The following PLOD1 variants were observed in gnomAD, a reference collection of about 807,000 sequenced individuals.
The protein encoded by PLOD1 is lysine hydroxylase.
Under a neutral mutation model 94.7 loss-of-function variants are expected in PLOD1, and 70 were observed. That is an observed-to-expected ratio of 0.74 (90% CI 0.61 to 0.90). The LOEUF (loss-of-function observed/expected upper bound fraction) is 0.90, where lower values mean the gene tolerates loss of function less well. Among genes scored for constraint, PLOD1 ranks in the 40% least tolerant of loss-of-function variants. The pLI, the probability that PLOD1 is intolerant of heterozygous loss-of-function variation, is 0.00. For missense variants in PLOD1, 905 were observed against 972.7 expected, an observed-to-expected ratio of 0.93 and a Z score of 0.93; for synonymous variants, 417 against 400.2, an observed-to-expected ratio of 1.04 and a Z score of -0.50.
intron 5 of PLOD1, among the ~76,000 whole-genome samples, chr1:11,953,345 C>G (rs144049464): frequency 6.6e-6 from 1 of 151,774 alleles, no homozygotes; most frequent in Non-Finnish European, 1.5e-5. Flanking sequence ...CGTGAGCCAC[C>G]GTGCCCGGCT....
intron 5 of PLOD1, 53 bp from the exon 6 acceptor site, chr1:11,954,777 C>T: frequency 7.4e-7 from 1 of 1,343,376 alleles, no homozygotes; most frequent in South Asian, 1.2e-5. Context: ...GATGTAGCCC[C>T]AGCCTCCCCC....
rs151122664 is a variant in PLOD1, at chr1:11,950,465, G to T, written c.411G>T (p.Arg137Ser). 5.0e-6 allele frequency: 8 copies of T among 1,613,998 alleles called. No homozygotes were observed. The highest frequency in any genetic ancestry group is 6.8e-6 in the Non-Finnish European group (8 of 1,179,954). The change falls in exon 4 of 19, where the codon AGG (arginine) becomes AGT (serine). Residue 137 changes from arginine to serine, a missense_variant. Arg to Ser is a moderately radical substitution (Grantham distance 110, BLOSUM62 -1). Coordinates refer to ENST00000196061, the MANE Select transcript of PLOD1 (RefSeq NM_000302.4). Reference protein sequence around the residue: ...SAEELIYPDRRLETKYPVVSD... With the variant: ...SAEELIYPDRSLETKYPVVSD... Reference sequence around the variant, plus strand: ...AGGAGCTCATCTACCCAGACCGCAGGCTGGAGACCAAGTATCCGGTGGTGT... The same window carrying T: ...AGGAGCTCATCTACCCAGACCGCAGTCTGGAGACCAAGTATCCGGTGGTGT...
intron 14 of PLOD1, 69 bp from the exon 15 acceptor site, chr1:11,966,182 G>T (rs1645815999): frequency 6.9e-6 from 8 of 1,157,032 alleles, no homozygotes; most frequent in Non-Finnish European, 1.0e-5. Flanking sequence ...ACTTTGAGGG[G>T]TCTGCTCTGA....
intron 2 of PLOD1, among the ~76,000 whole-genome samples, chr1:11,948,307 G>A (rs970165613): frequency 3.3e-5 from 5 of 152,326 alleles, no homozygotes; most frequent in Admixed American, 2.6e-4. Context: ...TCAGATGTTA[G>A]TGTGCAGGAG....
intron 9 of PLOD1, among the ~76,000 whole-genome samples, chr1:11,959,868 C>T (rs373666690): frequency 4.9e-4 from 74 of 151,320 alleles, no homozygotes; most frequent in African/African-American, 1.4e-3. Context: ...TGCCTGCCTC[C>T]GCCTGCCAAA....
Position 11,967,614 on chromosome 1 carries a change from TAAAA to T in PLOD1, c.1755+525_1755+528del, listed in dbSNP as rs1306896238. On this transcript the variant is annotated intron_variant, in intron 16 of 18. Coordinates refer to ENST00000196061, the MANE Select transcript of PLOD1 (RefSeq NM_000302.4). Reference sequence around the variant, plus strand: ...GTGTGTGTGTATATATATATATATATAAAAAGAAATATATATAGATTTTATTTAT... The same window carrying T: ...GTGTGTGTGTATATATATATATATATAGAAATATATATAGATTTTATTTAT... Among the ~76,000 whole-genome samples the T allele has an allele frequency of 6.1e-3, 715 of 117,908 alleles. 42 individuals carry two copies. The highest frequency in any genetic ancestry group is 0.022 in the African/African-American group (677 of 31,190). 77.4% of individuals were successfully genotyped at this position (117,908 alleles called of 152,430 possible).
chr1:11,955,328 A>C (rs376716147), intron 6 of PLOD1, among the ~76,000 whole-genome samples: 4 of 152,312 alleles, frequency 2.6e-5, no homozygotes, highest in African/African-American at 4.8e-5. Context: ...GCCTGGCCTC[A>C]TGTCTGTGGC....
intron 1 of PLOD1, among the ~76,000 whole-genome samples, chr1:11,936,663 C>G (rs1440200657): frequency 1.3e-5 from 2 of 151,918 alleles, no homozygotes; most frequent in African/African-American, 4.8e-5. Context: ...GCTGGGATTA[C>G]AGGCCTGCAC....
At chr1:11,942,987 T>G (rs1463879021) in intron 1 of PLOD1, among the ~76,000 whole-genome samples, 1 of 151,630 alleles carries the variant, frequency 6.6e-6, no homozygotes, top group Non-Finnish European at 1.5e-5. Context: ...TGGTTTTTTG[T>G]TTTTTGTTTT....
Position 11,972,746 on chromosome 1 carries a change from T to C in PLOD1, c.1903-126T>C. 1 of 996,460 alleles carries C rather than the reference T, an allele frequency of 1.0e-6. No homozygotes were observed. Among genetic ancestry groups the C allele is most frequent in the East Asian group, 2.4e-5 (1 of 41,308 alleles). The allele number at this position is 996,460 out of a possible 1,614,324, so 61.7% of individuals were successfully genotyped here. A position where few individuals can be genotyped will look rare whatever the true frequency, so the allele number is the denominator to read the frequency against. On this transcript the variant is annotated intron_variant, in intron 17 of 18. Transcript: ENST00000196061. This position sits in a 1 kb window ranked among gnomAD's most constrained non-coding sequence, Gnocchi z 4.6. ...AGGCACTCGAGCATAGAGCCCCATG[T>C]AGACCTGGCCCCTGTAAGCTGACCT... is the stretch of plus-strand genomic sequence containing the variant.
At position 11,970,763 on chromosome 1, in the gene PLOD1, C is replaced by G; in HGVS notation, c.1849C>G (p.Leu617Val). ...TGAGCGGGAGTGGCACAAATTCCTG[C>G]TGGAGTACATTGCGCCCATGACGGA... Reference protein sequence around the residue: ...GFEREWHKFLLEYIAPMTEKL... With the variant: ...GFEREWHKFLVEYIAPMTEKL... Residue 617 changes from leucine to valine, a missense_variant, in exon 17 of 19, where the codon CTG becomes GTG. By Grantham distance (32) the Leu-to-Val change is conservative. Transcript: ENST00000196061. 6.2e-7 allele frequency: 1 copy of G among 1,611,658 alleles called. No individual in the cohort carries two copies. Among genetic ancestry groups the G allele is most frequent in the Non-Finnish European group, 8.5e-7 (1 of 1,179,686 alleles).
intron 16 of PLOD1, among the ~76,000 whole-genome samples, chr1:11,970,451 G>A (rs1159579930): frequency 6.6e-6 from 1 of 152,110 alleles, no homozygotes; most frequent in African/African-American, 2.4e-5. Context: ...AGGTCTTTCT[G>A]CAGATGACTC....
chr1:11,938,419 G>A (rs1327233591), intron 1 of PLOD1, among the ~76,000 whole-genome samples: 1 of 152,128 alleles, frequency 6.6e-6, no homozygotes, highest in East Asian at 1.9e-4. Flanking sequence ...ACGGGAAGGG[G>A]GTGCTGTTGC....
rs1313280819 is a variant in PLOD1, at chr1:11,954,905, C to T, written c.643+12C>T. 4 of 1,605,640 alleles carry T rather than the reference C, an allele frequency of 2.5e-6. No homozygotes were observed. The South Asian group carries it at 4.4e-5, about 18-fold the overall frequency. ...GGATGGAGCCTTGGGTGAGCAGCCC[C>T]CACGGGGAGGGGTGGATCCTCAGAG... On this transcript the variant is annotated intron_variant, in intron 6 of 18. Coordinates refer to ENST00000196061, the MANE Select transcript of PLOD1 (RefSeq NM_000302.4).
chr1:11,953,248 G>A (rs1273534492), intron 5 of PLOD1, among the ~76,000 whole-genome samples: 1 of 151,726 alleles, frequency 6.6e-6, no homozygotes, highest in East Asian at 2.0e-4. Context: ...TAGAGACAGG[G>A]TTTCACTACG....
At chr1:11,943,302 T>TTC (rs1402668332) in intron 1 of PLOD1, among the ~76,000 whole-genome samples, 2 of 143,208 alleles carry the variant, frequency 1.4e-5, no homozygotes. Context: ...TTTTCTTTCT[T>TTC]TTTTTTTTTT....
chr1:11,959,993 G>A (rs532984357), intron 9 of PLOD1, among the ~76,000 whole-genome samples: 4 of 148,322 alleles, frequency 2.7e-5, no homozygotes, highest in South Asian at 2.1e-4. Flanking sequence ...GCAATGGTGC[G>A]ATCTTGGCTC....
chr1:11,968,068 C>T (rs1325416145), intron 16 of PLOD1, among the ~76,000 whole-genome samples: 1 of 151,546 alleles, frequency 6.6e-6, no homozygotes, highest in Non-Finnish European at 1.5e-5. Context: ...GTTTTCTTGC[C>T]TCAGCCTCTC....
At position 11,974,879 on chromosome 1, in the gene PLOD1, C is replaced by T. The variant is rs2230899; in HGVS notation, c.*71C>T. ...CACTGCCCAGCAGCCTCTGGGACCT[C>T]GGGGTCCCAGGGAACCCAGTCCAGC... On this transcript the variant is annotated 3_prime_UTR_variant, in exon 19 of 19. Transcript: ENST00000196061. 12 of 1,526,452 alleles carry T rather than the reference C, an allele frequency of 7.9e-6. No homozygotes were observed. Among genetic ancestry groups the T allele is most frequent in the Admixed American group, 5.0e-5 (3 of 59,880 alleles). The allele number at this position is 1,526,452 out of a possible 1,614,324, so 94.6% of individuals were successfully genotyped here. A position where few individuals can be genotyped will look rare whatever the true frequency, so the allele number is the denominator to read the frequency against.
Sources: gnomAD v4.1 joint callset for allele counts (sites outside exome capture counted in the v4.1 genomes callset) on GRCh38, gnomAD v4.1.1 for gene constraint, Gnocchi (gnomAD v3.1) non-coding constraint, MANE v1.5 for transcripts, NCBI Gene and HGNC (gene_info 2026-07-23, HGNC 2026-07-21) for gene names.